Variants in SHISAL2A observed in about 807,000 individuals in gnomAD.
SHISAL2A encodes the protein protein shisa-like-2A.
SHISAL2A carries 18 observed loss-of-function variants against 11.5 expected under a neutral mutation model. That is an observed-to-expected ratio of 1.57 (90% CI 1.08 to 2.33). The LOEUF (loss-of-function observed/expected upper bound fraction) is 2.33. Ranked by LOEUF, SHISAL2A falls within the 30% of genes most tolerant of loss-of-function variation. The pLI is 0.00. For synonymous variants in SHISAL2A, 94 were observed against 99.6 expected, an observed-to-expected ratio of 0.94 and a Z score of 0.34; for missense variants, 261 against 250.9, an observed-to-expected ratio of 1.04 and a Z score of -0.27.
At chr1:52,636,855 G>A (rs494030) in intron 1 of SHISAL2A, among the ~76,000 whole-genome samples, 48,763 of 152,026 alleles carry the variant, frequency 0.32, 10,131 homozygotes, top group African/African-American at 0.57. Flanking sequence ...CTACTGTCTG[G>A]ATCTCTCTTA....
chr1:52,667,111 G>A (rs895795516), intron 4 of SHISAL2A, among the ~76,000 whole-genome samples: 1 of 152,186 alleles, frequency 6.6e-6, no homozygotes, highest in Non-Finnish European at 1.5e-5. Context: ...TGGATGCTGG[G>A]TGGCCCAGAG....
chr1:52,640,611 C>CA (rs111376094), intron 1 of SHISAL2A, among the ~76,000 whole-genome samples: 1,419 of 136,948 alleles, frequency 0.01, 21 homozygotes, highest in African/African-American at 0.033. Context: ...TGTCTCAAAA[C>CA]AAAAAAAAAA....
chr1:52,644,363 A>T (rs1691446051), intron 2 of SHISAL2A, among the ~76,000 whole-genome samples: 1 of 152,234 alleles, frequency 6.6e-6, no homozygotes. Flanking sequence ...TGACAGGGTC[A>T]TTCACACTGG....
downstream of SHISAL2A, chr1:52,659,689 A>T (rs1691867300): frequency 6.6e-6 from 1 of 152,402 alleles, no homozygotes; most frequent in Non-Finnish European, 1.5e-5. Context: ...GAAAGAGCTT[A>T]GGGTACTTGT....
Position 52,633,545 on chromosome 1 carries a change from G to A in SHISAL2A, c.52G>A (p.Gly18Ser), listed in dbSNP as rs769169690. 1.1e-5 allele frequency: 18 copies of A among 1,607,646 alleles called. No individual in the cohort carries two copies. The South Asian group carries it at 1.3e-4, about 12-fold the overall frequency. The change falls in exon 1 of 3, where the codon GGC becomes AGC. Residue 18 changes from glycine to serine, a missense_variant. Physicochemically the swap from Gly to Ser is moderately conservative, Grantham distance 56. Coordinates refer to ENST00000517870, the MANE Select transcript of SHISAL2A (RefSeq NM_001042693.3). The surrounding 1 kb of genome is among the most constrained non-coding windows in gnomAD (Gnocchi z 6.4). ...YVSAEQEVVR[G>S]FSCPRPGGEA... is the part of the protein sequence containing the mutation. The stretch of plus-strand genomic sequence containing the variant: ...GAGCGCAGAGCAGGAGGTGGTGCGC[G>A]GCTTCAGCTGCCCGCGGCCGGGGGG...
intron 2 of SHISAL2A, among the ~76,000 whole-genome samples, chr1:52,653,673 C>A (rs1691723939): frequency 6.6e-6 from 1 of 151,924 alleles, no homozygotes; most frequent in South Asian, 2.1e-4. Flanking sequence ...TCAAAGAAGA[C>A]CTAAAATGGA....
chr1:52,656,157 G>A (rs1288826479), intron 2 of SHISAL2A, among the ~76,000 whole-genome samples: 1 of 152,124 alleles, frequency 6.6e-6, no homozygotes, highest in African/African-American at 2.4e-5. Flanking sequence ...CCTATAACTG[G>A]TAAAGTAAAA....
At chr1:52,661,266 C>G (rs1478343269), downstream of SHISAL2A, among the ~76,000 whole-genome samples, 3 of 152,230 alleles carry the variant, frequency 2.0e-5, no homozygotes, top group Non-Finnish European at 4.4e-5. Flanking sequence ...TGAGCACTTG[C>G]TTCCTGTTCT....
chr1:52,656,688 C>T (rs1691796095), intron 2 of SHISAL2A, 102 bp from the exon 3 acceptor site: 2 of 1,290,252 alleles, frequency 1.6e-6, no homozygotes, highest in East Asian at 2.3e-5. Context: ...AAGGCTCTGA[C>T]CACAGTGCAC....
chr1:52,643,145 A>T lies in SHISAL2A; in HGVS notation c.322+143A>T, dbSNP rs1691409849. The T allele has an allele frequency of 4.0e-6, 3 of 756,106 alleles. No homozygotes were observed. The Admixed American group carries it at 8.7e-5, about 22-fold the overall frequency. 46.8% of individuals were successfully genotyped at this position (756,106 alleles called of 1,614,324 possible). A position where few individuals can be genotyped will look rare whatever the true frequency, so the allele number is the denominator to read the frequency against. On this transcript the variant is annotated intron_variant, in intron 2 of 2. Coordinates refer to ENST00000517870, the MANE Select transcript of SHISAL2A (RefSeq NM_001042693.3). The stretch of plus-strand genomic sequence containing the variant: ...GAAGCAGCGGCACATTTTTCTGGAG[A>T]TTCGTGATCTAAACATTTCCATCCT...
exon 6 of SHISAL2A, chr1:52,668,688 C>G (rs976491472): frequency 6.6e-6 from 1 of 152,386 alleles, no homozygotes; most frequent in East Asian, 1.9e-4. Context: ...CCTCCCCATC[C>G]GCTCCTACTC....
chr1:52,646,679 G>T (rs577265228), intron 2 of SHISAL2A, among the ~76,000 whole-genome samples: 13 of 152,260 alleles, frequency 8.5e-5, no homozygotes, highest in Non-Finnish European at 1.2e-4. Context: ...ATTTACACAT[G>T]TATCCTAGGT....
chr1:52,663,141 C>T (rs1332163982), intron 4 of SHISAL2A, among the ~76,000 whole-genome samples: 1 of 152,142 alleles, frequency 6.6e-6, no homozygotes. Context: ...CCTCCCTCTT[C>T]TCCATCTCTC....
chr1:52,639,047 C>T (rs541609820), intron 1 of SHISAL2A, among the ~76,000 whole-genome samples: 1 of 152,280 alleles, frequency 6.6e-6, no homozygotes, highest in Admixed American at 6.5e-5. Flanking sequence ...GTGGCACATG[C>T]CTGTAGTCCC....
intron 2 of SHISAL2A, among the ~76,000 whole-genome samples, chr1:52,652,423 G>T (rs574631670): frequency 1.3e-5 from 2 of 152,202 alleles, no homozygotes; most frequent in East Asian, 1.9e-4. Flanking sequence ...TTACAAATTT[G>T]TTTTGTTTTT....
At chr1:52,664,625 T>C (rs1474807555) in intron 4 of SHISAL2A, among the ~76,000 whole-genome samples, 1 of 152,118 alleles carries the variant, frequency 6.6e-6, no homozygotes, top group African/African-American at 2.4e-5. Context: ...CCCAAAGTTG[T>C]TGGGATTGCA....
intron 2 of SHISAL2A, among the ~76,000 whole-genome samples, chr1:52,647,325 C>T (rs1304470227): frequency 1.3e-5 from 2 of 151,976 alleles, no homozygotes; most frequent in African/African-American, 2.4e-5. Context: ...TTGTATTTCC[C>T]CTAGGAGCAA....
chr1:52,657,159 C>G (rs1047345746), downstream of SHISAL2A: 16 of 1,363,350 alleles, frequency 1.2e-5, 1 homozygote, highest in Admixed American at 3.2e-4. Context: ...CAAAGATACC[C>G]AGCCCTGCTG....
At chr1:52,663,097 G>T (rs966955426) in intron 4 of SHISAL2A, among the ~76,000 whole-genome samples, 12 of 152,188 alleles carry the variant, frequency 7.9e-5, no homozygotes, top group African/African-American at 2.9e-4. Flanking sequence ...CATGGAAGCC[G>T]TAAGCCCCTC....
Sources: gnomAD v4.1 joint callset for allele counts (sites outside exome capture counted in the v4.1 genomes callset) on GRCh38, gnomAD v4.1.1 for gene constraint, Gnocchi (gnomAD v3.1) non-coding constraint, MANE v1.5 for transcripts, NCBI Gene and HGNC (gene_info 2026-07-23, HGNC 2026-07-21) for gene names.